The following SYN3 variants were observed in gnomAD, a reference collection of about 807,000 sequenced individuals.
SYN3 encodes synapsin-3.
In SYN3, 35 loss-of-function variants were observed where a neutral mutation model predicts 65.8. The ratio of observed to expected loss-of-function variants is 0.53; its 90% CI spans 0.41 to 0.70. The LOEUF (loss-of-function observed/expected upper bound fraction) is 0.70. Ranked by LOEUF, SYN3 falls within the 30% of genes least tolerant of loss-of-function variation. The pLI is 0.00. For missense variants in SYN3, 680 were observed against 749.0 expected (o/e 0.91, Z 1.08); for synonymous variants, 270 against 292.9 (o/e 0.92, Z 0.80).
chr22:32,894,183 A>G (rs2146491437), intron 4 of SYN3, among the ~76,000 whole-genome samples: 1 of 123,086 alleles, frequency 8.1e-6, no homozygotes, highest in East Asian at 2.0e-4. Flanking sequence ...CACTGCTAAG[A>G]AACAGAAATT....
chr22:32,906,340 C>A (rs1569317236), intron 4 of SYN3, among the ~76,000 whole-genome samples: 2 of 152,146 alleles, frequency 1.3e-5, no homozygotes, highest in Non-Finnish European at 2.9e-5. Flanking sequence ...TAGCCAAGCT[C>A]ATCAGATAGT....
rs199503352 is a variant in SYN3, at chr22:32,533,855, C to T, written c.1033G>A (p.Gly345Ser). The stretch of plus-strand genomic sequence containing the variant: ...GCCTTGACGGCACAGATGTCCAGGC[C>T]GCCAAACATTTCCGAGCAGCTGTCC... ...WVDSCSEMFG[G>S]LDICAVKAVH... The change falls in exon 10 of 14, where the codon GGC becomes AGC. Residue 345 changes from glycine to serine, a missense_variant. Transcript: ENST00000358763. The T allele has an allele frequency of 3.4e-5, 55 of 1,613,796 alleles. No homozygotes were observed. Among genetic ancestry groups the T allele is most frequent in the East Asian group, 1.6e-4 (7 of 44,884 alleles).
At chr22:32,623,932 C>G (rs998880236) in intron 6 of SYN3, among the ~76,000 whole-genome samples, 2 of 152,144 alleles carry the variant, frequency 1.3e-5, no homozygotes. Flanking sequence ...GTTTCAGATT[C>G]GACATTCTCC....
At chr22:32,922,768 A>C (rs2050368056) in intron 4 of SYN3, among the ~76,000 whole-genome samples, 1 of 152,050 alleles carries the variant, frequency 6.6e-6, no homozygotes, top group African/African-American at 2.4e-5. Context: ...TCCCAGTGAG[A>C]TATTCCAATT....
At chr22:33,024,946 AC>A (rs1475434217) in intron 1 of SYN3, among the ~76,000 whole-genome samples, 1 of 152,234 alleles carries the variant, frequency 6.6e-6, no homozygotes. Context: ...TGCGTGAAGG[AC>A]GTGAAAGTGA....
chr22:32,963,244 T>G (rs1008962745), intron 3 of SYN3, among the ~76,000 whole-genome samples: 161 of 122,000 alleles, frequency 1.3e-3, no homozygotes, highest in Non-Finnish European at 2.1e-3. Flanking sequence ...CCTGGCTAAT[T>G]TTTTTTTTTT....
chr22:32,740,917 C>G (rs2061396202), intron 6 of SYN3, among the ~76,000 whole-genome samples: 1 of 152,134 alleles, frequency 6.6e-6, no homozygotes, highest in South Asian at 2.1e-4. Context: ...CCATTCCAAC[C>G]TTGGGCTTCT....
chr22:32,888,777 A>C (rs1292498153), intron 4 of SYN3, among the ~76,000 whole-genome samples: 1 of 152,194 alleles, frequency 6.6e-6, no homozygotes, highest in Non-Finnish European at 1.5e-5. Context: ...CTCAATGGAA[A>C]TGGTCACTGG....
chr22:32,951,965 G>A (rs915605373), intron 3 of SYN3, among the ~76,000 whole-genome samples: 4 of 152,202 alleles, frequency 2.6e-5, no homozygotes, highest in South Asian at 4.1e-4. Flanking sequence ...CCTGAGGCCT[G>A]CAGTCAGCAA....
At chr22:32,930,362 A>G (rs2020103) in intron 4 of SYN3, among the ~76,000 whole-genome samples, 18,367 of 152,156 alleles carry the variant, frequency 0.12, 1,657 homozygotes, top group East Asian at 0.47. Flanking sequence ...CAGGTAAGAT[A>G]TGCCTTTCAC....
At chr22:32,998,920 C>T (rs961768078) in intron 2 of SYN3, among the ~76,000 whole-genome samples, 1 of 151,978 alleles carries the variant, frequency 6.6e-6, no homozygotes, top group African/African-American at 2.4e-5. Flanking sequence ...ATAGAAACTC[C>T]TCCACCGTGT....
chr22:32,817,046 C>T (rs764602921), intron 6 of SYN3, among the ~76,000 whole-genome samples: 1 of 143,910 alleles, frequency 6.9e-6, no homozygotes, highest in Non-Finnish European at 1.5e-5. Flanking sequence ...AGTAAGATTC[C>T]CTGTCTCTAC....
intron 4 of SYN3, among the ~76,000 whole-genome samples, chr22:32,885,828 T>C (rs1343668741): frequency 6.6e-6 from 1 of 152,196 alleles, no homozygotes; most frequent in Admixed American, 6.5e-5. Flanking sequence ...CCCAAAGTGC[T>C]GGGATTACAG....
intron 4 of SYN3, among the ~76,000 whole-genome samples, chr22:32,928,434 T>A (rs1227840699): frequency 6.6e-6 from 1 of 152,256 alleles, no homozygotes; most frequent in Non-Finnish European, 1.5e-5. Context: ...TACATTAGCC[T>A]ACAGTTGGGC....
chr22:32,777,754 G>A (rs749120483), intron 6 of SYN3, among the ~76,000 whole-genome samples: 6 of 152,060 alleles, frequency 3.9e-5, no homozygotes, highest in Non-Finnish European at 5.9e-5. Flanking sequence ...TCTTGTTATA[G>A]TTTACTCTTC....
chr22:32,807,758 C>G (rs939813789), intron 6 of SYN3, among the ~76,000 whole-genome samples: 1 of 151,404 alleles, frequency 6.6e-6, no homozygotes, highest in Non-Finnish European at 1.5e-5. Context: ...ATTATATATA[C>G]TACTACATAC....
intron 6 of SYN3, among the ~76,000 whole-genome samples, chr22:32,692,220 G>A (rs2060674248): frequency 3.5e-5 from 5 of 143,374 alleles, no homozygotes; most frequent in African/African-American, 1.3e-4. Flanking sequence ...CAGACACACA[G>A]CTCAAAGAAT....
chr22:32,562,022 T>C (rs1185099726), intron 7 of SYN3, among the ~76,000 whole-genome samples: 1 of 152,182 alleles, frequency 6.6e-6, no homozygotes. Context: ...TGGAAGAGCA[T>C]ATTGAAGGAG....
At chr22:32,819,303 G>C (rs1241643580) in intron 6 of SYN3, among the ~76,000 whole-genome samples, 1 of 152,240 alleles carries the variant, frequency 6.6e-6, no homozygotes, top group Non-Finnish European at 1.5e-5. Context: ...TAGTGAGAAG[G>C]CATCTCAGGA....
Sources: gnomAD v4.1 joint callset for allele counts (sites outside exome capture counted in the v4.1 genomes callset) on GRCh38, gnomAD v4.1.1 for gene constraint, MANE v1.5 for transcripts, NCBI Gene and HGNC (gene_info 2026-07-23, HGNC 2026-07-21) for gene names.